Variants in XIRP2 observed in about 807,000 individuals in gnomAD.
XIRP2 encodes xin actin binding repeat containing 2.
A neutral mutation model predicts 277.0 loss-of-function variants in XIRP2; 236 were observed. The ratio of observed to expected loss-of-function variants is 0.85; its 90% CI spans 0.77 to 0.95. XIRP2 has a LOEUF of 0.95. Among genes scored for constraint, XIRP2 ranks in the 40% least tolerant of loss-of-function variants. XIRP2 has a pLI of 0.00. For missense variants in XIRP2, 4,640 were observed against 4,157.5 expected (o/e 1.12, Z -3.19); for synonymous variants, 1,490 against 1,416.5 (o/e 1.05, Z -1.17).
chr2:167,182,959 G>A (rs1169392822), intron 3 of XIRP2, among the ~76,000 whole-genome samples: 1 of 152,108 alleles, frequency 6.6e-6, no homozygotes, highest in African/African-American at 2.4e-5. Flanking sequence ...GGTAGCACCA[G>A]CCAAAATAGA....
chr2:167,054,387 T>C (rs775082926), intron 2 of XIRP2, among the ~76,000 whole-genome samples: 8 of 151,896 alleles, frequency 5.3e-5, no homozygotes, highest in Non-Finnish European at 8.8e-5. Context: ...TGTTCTGAGG[T>C]CAAAAGGAAA....
intron 2 of XIRP2, among the ~76,000 whole-genome samples, chr2:167,011,698 G>A (rs1445598270): frequency 6.6e-6 from 1 of 151,000 alleles, no homozygotes; most frequent in Non-Finnish European, 1.5e-5. Flanking sequence ...AGTCCATCTG[G>A]TCCTGGACTC....
At chr2:167,193,270 C>A (rs1212930786) in intron 3 of XIRP2, among the ~76,000 whole-genome samples, 1 of 152,158 alleles carries the variant, frequency 6.6e-6, no homozygotes, top group Admixed American at 6.5e-5. Flanking sequence ...CTTCAATTTG[C>A]ACCTCTTTCA....
chr2:167,242,053 A>G (rs1695088353), intron 8 of XIRP2, 143 bp downstream of exon 8: 3 of 1,068,340 alleles, frequency 2.8e-6, no homozygotes, highest in South Asian at 2.4e-5. Context: ...TGTAAGGAGA[A>G]TATTGACCTG....
chr2:167,023,144 A>G (rs1209593418), intron 2 of XIRP2, among the ~76,000 whole-genome samples: 2 of 152,192 alleles, frequency 1.3e-5, no homozygotes, highest in African/African-American at 2.4e-5. Context: ...AATGATTGCC[A>G]TTCTAACTGG....
intron 2 of XIRP2, among the ~76,000 whole-genome samples, chr2:167,056,048 T>A (rs1336986563): frequency 1.3e-5 from 2 of 152,170 alleles, no homozygotes; most frequent in Non-Finnish European, 2.9e-5. Flanking sequence ...CTAATTTTTA[T>A]TTCGAAAAGT....
intron 2 of XIRP2, among the ~76,000 whole-genome samples, chr2:166,917,591 G>A (rs1684923949): frequency 6.6e-6 from 1 of 151,862 alleles, no homozygotes; most frequent in East Asian, 1.9e-4. Context: ...TTTGTTTGTG[G>A]TAGTGATATG....
At chr2:167,013,455 A>G (rs1687737253) in intron 2 of XIRP2, among the ~76,000 whole-genome samples, 1 of 151,482 alleles carries the variant, frequency 6.6e-6, no homozygotes, top group Non-Finnish European at 1.5e-5. Context: ...TAGTTCTGGG[A>G]GAAGCTGAGA....
At chr2:166,959,667 C>T (rs978732760) in intron 2 of XIRP2, among the ~76,000 whole-genome samples, 5 of 151,820 alleles carry the variant, frequency 3.3e-5, no homozygotes, top group Admixed American at 1.3e-4. Flanking sequence ...TCTGAAATCT[C>T]AGCATAGCAG....
At chr2:167,051,687 A>C (rs972340838) in intron 2 of XIRP2, among the ~76,000 whole-genome samples, 1 of 152,114 alleles carries the variant, frequency 6.6e-6, no homozygotes, top group Non-Finnish European at 1.5e-5. Flanking sequence ...ATTATGATCT[A>C]TATTTACCTT....
chr2:167,123,318 G>T (rs772917979), intron 2 of XIRP2, among the ~76,000 whole-genome samples: 2 of 152,046 alleles, frequency 1.3e-5, no homozygotes, highest in African/African-American at 2.4e-5. Flanking sequence ...AGAAGTTCTT[G>T]TCTGGCTGTA....
chr2:167,201,706 T>C (rs1693726807), intron 3 of XIRP2, among the ~76,000 whole-genome samples: 1 of 152,216 alleles, frequency 6.6e-6, no homozygotes, highest in African/African-American at 2.4e-5. Context: ...GAAATTCAGC[T>C]TATTTATTTC....
chr2:167,039,470 G>C (rs1688605530), intron 2 of XIRP2, among the ~76,000 whole-genome samples: 1 of 152,224 alleles, frequency 6.6e-6, no homozygotes, highest in Admixed American at 6.5e-5. Flanking sequence ...GGCAGGTCAA[G>C]AGTAAGTTAC....
chr2:166,947,615 A>T (rs1685912109), intron 2 of XIRP2, among the ~76,000 whole-genome samples: 1 of 152,118 alleles, frequency 6.6e-6, no homozygotes, highest in Non-Finnish European at 1.5e-5. Context: ...TGGTGTTCAA[A>T]ATTCTACTGT....
chr2:167,019,189 A>G (rs2105482100), intron 2 of XIRP2, among the ~76,000 whole-genome samples: 1 of 152,154 alleles, frequency 6.6e-6, no homozygotes, highest in East Asian at 1.9e-4. Flanking sequence ...TAGGAGATTT[A>G]AGACTTCAAA....
intron 2 of XIRP2, among the ~76,000 whole-genome samples, chr2:167,108,467 T>G (rs1690664936): frequency 6.6e-6 from 1 of 152,094 alleles, no homozygotes; most frequent in South Asian, 2.1e-4. Context: ...CATAAGCATT[T>G]AATGTTGTAA....
intron 2 of XIRP2, among the ~76,000 whole-genome samples, chr2:167,075,267 G>C (rs1322303552): frequency 6.6e-6 from 1 of 152,112 alleles, no homozygotes; most frequent in Non-Finnish European, 1.5e-5. Flanking sequence ...GATAGAGGGA[G>C]GTGAAGAAGA....
chr2:167,090,060 T>A (rs986547112), intron 2 of XIRP2, among the ~76,000 whole-genome samples: 1 of 152,262 alleles, frequency 6.6e-6, no homozygotes, highest in African/African-American at 2.4e-5. Flanking sequence ...AAATGCCAAC[T>A]CAGTGAAGAG....
chr2:167,095,021 G>A (rs949644331), intron 2 of XIRP2, among the ~76,000 whole-genome samples: 3 of 152,082 alleles, frequency 2.0e-5, no homozygotes, highest in Non-Finnish European at 4.4e-5. Flanking sequence ...TCCCCTAGAA[G>A]AGGTCCTTCA....
Sources: gnomAD v4.1 joint callset for allele counts (sites outside exome capture counted in the v4.1 genomes callset) on GRCh38, gnomAD v4.1.1 for gene constraint, MANE v1.5 for transcripts, NCBI Gene and HGNC (gene_info 2026-07-23, HGNC 2026-07-21) for gene names.